The following SH3BP5 variants were observed in gnomAD, a reference collection of about 807,000 sequenced individuals.
SH3BP5 encodes the protein SH3 domain binding protein 5.
Under a neutral mutation model 43.3 loss-of-function variants are expected in SH3BP5, and 22 were observed. The observed-to-expected ratio is 0.51, with a 90% CI of 0.36 to 0.73. The LOEUF (loss-of-function observed/expected upper bound fraction) is 0.73, where lower values mean the gene tolerates loss of function less well. Among genes scored for constraint, SH3BP5 ranks in the 30% least tolerant of loss-of-function variants. The probability of loss-of-function intolerance (pLI) is 0.00; values close to 1 mark genes in which losing one functional copy is unlikely to be tolerated. For synonymous variants in SH3BP5, 255 were observed against 225.8 expected, an observed-to-expected ratio of 1.13 and a Z score of -1.16; for missense variants, 529 against 586.9, an observed-to-expected ratio of 0.90 and a Z score of 1.02.
Position 15,258,976 on chromosome 3 carries a change from C to T in SH3BP5, c.744G>A (p.Lys248=), listed in dbSNP as rs1197512336. 1.9e-6 allele frequency: 3 copies of T among 1,614,214 alleles called. No homozygotes were observed. The highest frequency in any genetic ancestry group is 2.5e-6 in the Non-Finnish European group (3 of 1,180,032). The stretch of plus-strand genomic sequence containing the variant: ...TCTCATCTGAGATCATCTCCAGGTT[C>T]TTCAGGGCCATCTTGTACTCGCCTT... ...LAKGEYKMAL[K]NLEMISDEIH... Residue 248 remains lysine (K), a synonymous_variant, in exon 7 of 9, where the codon AAG becomes AAA. Coordinates refer to ENST00000383791, the MANE Select transcript of SH3BP5 (RefSeq NM_004844.5).
intron 3 of SH3BP5, among the ~76,000 whole-genome samples, chr3:15,272,630 CAT>C (rs59226732): frequency 0.15 from 7,275 of 47,246 alleles, 235 homozygotes; most frequent in African/African-American, 0.35. Flanking sequence ...AGGATAAAGA[CAT>C]ATTACAAAAC....
At chr3:15,284,757 G>A (rs1214271488) in intron 3 of SH3BP5, among the ~76,000 whole-genome samples, 3 of 152,188 alleles carry the variant, frequency 2.0e-5, no homozygotes, top group Non-Finnish European at 2.9e-5. Context: ...AGTGACTTCA[G>A]TTAACACCAA....
chr3:15,332,749 G>T, upstream of SH3BP5: 1 of 781,960 alleles, frequency 1.3e-6, no homozygotes, highest in Non-Finnish European at 1.6e-6. Context: ...AAATAGGACA[G>T]CCCCCACCCC....
chr3:15,336,120 G>A (rs1433427240), upstream of SH3BP5, among the ~76,000 whole-genome samples: 1 of 152,112 alleles, frequency 6.6e-6, no homozygotes, highest in South Asian at 2.1e-4. Flanking sequence ...GGCGATAAGA[G>A]TGAAACTCCG....
chr3:15,298,999 C>T (rs753069102), intron 3 of SH3BP5, among the ~76,000 whole-genome samples: 1 of 152,084 alleles, frequency 6.6e-6, no homozygotes, highest in Non-Finnish European at 1.5e-5. Flanking sequence ...AAAAATGGTA[C>T]ATTTTGTGTT....
intron 7 of SH3BP5, 146 bp downstream of exon 7, chr3:15,258,685 A>G (rs1696314577): frequency 1.6e-6 from 1 of 642,430 alleles, no homozygotes; most frequent in Non-Finnish European, 2.7e-6. Flanking sequence ...ACAGTGTTCC[A>G]TAAAACATGG....
At chr3:15,290,663 C>T (rs182201923) in intron 3 of SH3BP5, among the ~76,000 whole-genome samples, 10 of 152,032 alleles carry the variant, frequency 6.6e-5, no homozygotes, top group East Asian at 1.9e-4. Context: ...CGTGCCACTG[C>T]GCTCCAGCCT....
At chr3:15,301,168 T>G (rs936419587) in intron 3 of SH3BP5, among the ~76,000 whole-genome samples, 3 of 152,062 alleles carry the variant, frequency 2.0e-5, no homozygotes, top group African/African-American at 4.8e-5. Context: ...GGGACCCAAC[T>G]GCTAAACGGG....
intron 5 of SH3BP5, 143 bp downstream of exon 5, chr3:15,262,016 G>T: frequency 2.3e-6 from 2 of 867,120 alleles, no homozygotes; most frequent in Non-Finnish European, 3.5e-6. Context: ...AAGAGAGCCT[G>T]AGCAGGGGGG....
At chr3:15,261,859 A>C (rs1261609062) in intron 5 of SH3BP5, among the ~76,000 whole-genome samples, 1 of 152,226 alleles carries the variant, frequency 6.6e-6, no homozygotes, top group East Asian at 1.9e-4. Context: ...CCCAGAGTAC[A>C]GCGTGAATTT....
chr3:15,258,706 G>T, intron 7 of SH3BP5, 125 bp downstream of exon 7: 1 of 735,668 alleles, frequency 1.4e-6, no homozygotes, highest in Non-Finnish European at 2.3e-6. Context: ...GAACCCACCA[G>T]AAATAGCCCT....
At chr3:15,278,673 T>C (rs1234690871) in intron 3 of SH3BP5, among the ~76,000 whole-genome samples, 2 of 152,240 alleles carry the variant, frequency 1.3e-5, no homozygotes, top group East Asian at 1.9e-4. Flanking sequence ...ATTTAGTTCC[T>C]TGATTATTTT....
intron 3 of SH3BP5, chr3:15,275,763 G>C (rs1696944993): frequency 1.3e-5 from 2 of 152,198 alleles, no homozygotes; most frequent in African/African-American, 4.8e-5. Context: ...TAACACACCT[G>C]TAATCCCAGC....
chr3:15,287,580 C>T (rs1195563987), intron 3 of SH3BP5, among the ~76,000 whole-genome samples: 1 of 152,148 alleles, frequency 6.6e-6, no homozygotes, highest in Non-Finnish European at 1.5e-5. Context: ...ATATGGCCAG[C>T]CAGGGTGAAT....
chr3:15,298,798 G>A (rs1697649915), intron 3 of SH3BP5, among the ~76,000 whole-genome samples: 1 of 152,150 alleles, frequency 6.6e-6, no homozygotes, highest in Non-Finnish European at 1.5e-5. Context: ...CTGAGCTTGG[G>A]AGAGGGGAGG....
chr3:15,336,626 C>A (rs1180438241), upstream of SH3BP5, among the ~76,000 whole-genome samples: 1 of 152,084 alleles, frequency 6.6e-6, no homozygotes, highest in Non-Finnish European at 1.5e-5. Context: ...CTTGCAGGGA[C>A]AGTTGGTGAC....
At chr3:15,322,111 G>A (rs1257852170) in intron 2 of SH3BP5, among the ~76,000 whole-genome samples, 1 of 152,040 alleles carries the variant, frequency 6.6e-6, no homozygotes, top group African/African-American at 2.4e-5. Context: ...GCTGAGGCAG[G>A]AGAATCGCTT....
At chr3:15,264,445 A>G (rs1442468691) in intron 4 of SH3BP5, 1 of 152,240 alleles carries the variant, frequency 6.6e-6, no homozygotes, top group Non-Finnish European at 1.5e-5. Flanking sequence ...CATCACTGTT[A>G]GATCCCTCCT....
At chr3:15,260,055 C>G in intron 5 of SH3BP5, 2 of 545,718 alleles carry the variant, frequency 3.7e-6, no homozygotes, top group Non-Finnish European at 3.3e-6. Flanking sequence ...GGAACCCACA[C>G]ACACATATCT....
Sources: allele counts gnomAD v4.1 joint callset (sites outside exome capture counted in the v4.1 genomes callset), GRCh38; gene constraint gnomAD v4.1.1; transcripts MANE v1.5; gene names NCBI Gene and HGNC (gene_info 2026-07-23, HGNC 2026-07-21).